MAGI2: variants seen among roughly 807,000 people sequenced by gnomAD.
The protein encoded by MAGI2 is membrane-associated guanylate kinase, WW and PDZ domain-containing protein 2.
A neutral mutation model predicts 133.3 loss-of-function variants in MAGI2; 35 were observed. The observed-to-expected ratio is 0.26, with a 90% CI of 0.20 to 0.35. The LOEUF (loss-of-function observed/expected upper bound fraction) is 0.35. Among genes scored for constraint, MAGI2 ranks in the 10% least tolerant of loss-of-function variants. The probability of loss-of-function intolerance (pLI) is 1.00; values close to 1 mark genes in which losing one functional copy is unlikely to be tolerated. For missense variants in MAGI2, 1,636 were observed against 1,863.4 expected (o/e 0.88, Z 2.25); for synonymous variants, 729 against 710.6 (o/e 1.03, Z -0.41).
At chr7:78,575,222 C>T (rs1443993908) in intron 3 of MAGI2, among the ~76,000 whole-genome samples, 1 of 152,056 alleles carries the variant, frequency 6.6e-6, no homozygotes, top group East Asian at 1.9e-4. Context: ...AAAGGAGCTA[C>T]TAGCTACAGA....
chr7:79,227,328 C>A (rs768494859), intron 1 of MAGI2, among the ~76,000 whole-genome samples: 2 of 152,120 alleles, frequency 1.3e-5, no homozygotes, highest in Non-Finnish European at 2.9e-5. Context: ...TCTCTCCATG[C>A]GGAGTGTTGT....
At chr7:79,102,304 T>C (rs1420056628) in intron 1 of MAGI2, among the ~76,000 whole-genome samples, 3 of 152,158 alleles carry the variant, frequency 2.0e-5, no homozygotes, top group African/African-American at 4.8e-5. Flanking sequence ...ACAATTAATA[T>C]ACCTAAGCTA....
intron 1 of MAGI2, among the ~76,000 whole-genome samples, chr7:79,228,562 C>T (rs1187130789): frequency 1.8e-4 from 28 of 151,916 alleles, no homozygotes. Context: ...GTTCTCCTAG[C>T]CCAGTTTTAT....
rs150379243 is a variant in MAGI2 at position 79,022,292 on chromosome 7, A to C, written c.302-15086T>G. Among the ~76,000 whole-genome samples, 370 of 152,316 alleles carry C rather than the reference A, an allele frequency of 2.4e-3. 3 individuals are homozygous for C. The highest frequency in any genetic ancestry group is 8.6e-3 in the African/African-American group (356 of 41,574). On this transcript the variant is annotated intron_variant, in intron 1 of 21. Transcript: ENST00000354212. ...CTGAATGACTTCTGGGTAAACAATA[A>C]AATTAAATCAGAAATCAAGAAATTA...
At chr7:78,072,454 T>C (rs1413282852) in intron 21 of MAGI2, 1 of 152,704 alleles carries the variant, frequency 6.5e-6, no homozygotes, top group Admixed American at 6.5e-5. Context: ...CTTCAGTGCC[T>C]GCAAAGCATC....
At chr7:79,399,090 C>CTTTTTTTTTTTTTTTTTT (rs1337058211) in intron 1 of MAGI2, among the ~76,000 whole-genome samples, 2 of 101,442 alleles carry the variant, frequency 2.0e-5, no homozygotes, top group African/African-American at 1.0e-4. Context: ...TTTTTTTTTT[C>CTTTTTTTTTTTTTTTTTT]TTTTCTTTTT....
At chr7:78,670,094 A>T (rs1383603064) in intron 2 of MAGI2, among the ~76,000 whole-genome samples, 2 of 151,642 alleles carry the variant, frequency 1.3e-5, no homozygotes, top group Non-Finnish European at 2.9e-5. Context: ...GGAGAAGGAA[A>T]TAAAAGGTAT....
rs116964571 is a variant in MAGI2, at chr7:78,886,557, C to T, written c.418+120533G>A. On this transcript the variant is annotated intron_variant, in intron 2 of 21. Coordinates refer to ENST00000354212, the MANE Select transcript of MAGI2 (RefSeq NM_012301.4). ...GGGAAACTTCTCTGGTCTATGTTTC[C>T]TTCTTTCTTTACCTATCTAAATAAG... 8.6e-4 allele frequency among the ~76,000 whole-genome samples: 131 copies of T among 152,252 alleles called. 5 individuals are homozygous for T. The East Asian group carries it at 0.023, about 27-fold the overall frequency.
chr7:79,254,776 C>T (rs1459794482), intron 1 of MAGI2, among the ~76,000 whole-genome samples: 12 of 152,128 alleles, frequency 7.9e-5, no homozygotes, highest in Admixed American at 7.9e-4. Context: ...TAGAACTGAA[C>T]TCGCTCAATC....
rs546137329 is a variant in MAGI2, at chr7:78,257,925, G to A, written c.1409-1344C>T. Among the ~76,000 whole-genome samples the A allele has an allele frequency of 4.6e-5, 7 of 152,174 alleles. 1 individual carries two copies. Among genetic ancestry groups the A allele is most frequent in the South Asian group, 4.1e-4 (2 of 4,824 alleles). On this transcript the variant is annotated intron_variant, in intron 9 of 21. Transcript: ENST00000354212. ...ATCCTTGCCCAGCAAGCTTGCAAAC[G>A]TTAAAAATGAAAAACAGAGTTGAAC...
At chr7:78,162,631 C>T (rs983003983) in intron 15 of MAGI2, among the ~76,000 whole-genome samples, 6 of 151,784 alleles carry the variant, frequency 4.0e-5, no homozygotes, top group Non-Finnish European at 5.9e-5. Flanking sequence ...AAATCATCAA[C>T]TAAGTCAATG....
At chr7:79,447,061 C>T (rs1848905866) in intron 1 of MAGI2, among the ~76,000 whole-genome samples, 1 of 152,076 alleles carries the variant, frequency 6.6e-6, no homozygotes. Flanking sequence ...TCTTCCAGAC[C>T]ACTCAAAACA....
intron 18 of MAGI2, among the ~76,000 whole-genome samples, chr7:78,131,669 T>C: frequency 6.6e-6 from 1 of 152,240 alleles, no homozygotes; most frequent in East Asian, 1.9e-4. Context: ...TCTTTCTCTT[T>C]AATGGCTGAA....
chr7:78,320,258 T>C (rs190991073), intron 9 of MAGI2, among the ~76,000 whole-genome samples: 1 of 152,072 alleles, frequency 6.6e-6, no homozygotes, highest in South Asian at 2.1e-4. Flanking sequence ...GGAATCCTTC[T>C]TTACTCATTT....
At chr7:78,656,454 C>A (rs1299758358) in intron 2 of MAGI2, among the ~76,000 whole-genome samples, 1 of 152,078 alleles carries the variant, frequency 6.6e-6, no homozygotes, top group African/African-American at 2.4e-5. Context: ...AAAATTACTA[C>A]ATGATATCTA....
chr7:78,134,522 A>G (rs1821897976), intron 17 of MAGI2: 1 of 156,272 alleles, frequency 6.4e-6, no homozygotes, highest in East Asian at 1.9e-4. Context: ...AGACAAATTC[A>G]AAAGGCTCAG....
chr7:78,748,469 T>G (rs1262392971), intron 2 of MAGI2, among the ~76,000 whole-genome samples: 3 of 152,214 alleles, frequency 2.0e-5, no homozygotes, highest in African/African-American at 7.2e-5. Context: ...CTGTTTAATA[T>G]AAGGTGATTC....
intron 2 of MAGI2, among the ~76,000 whole-genome samples, chr7:78,681,913 CCAA>C (rs1815710344): frequency 6.6e-6 from 1 of 152,078 alleles, no homozygotes; most frequent in Non-Finnish European, 1.5e-5. Flanking sequence ...CCTAATTACA[CCAA>C]CATCTTACTG....
At chr7:79,253,981 TCAAAACAAAACAAAACAAAA>T (rs71951560) in intron 1 of MAGI2, among the ~76,000 whole-genome samples, 3 of 151,042 alleles carry the variant, frequency 2.0e-5, no homozygotes, top group Admixed American at 6.6e-5. Context: ...AAATTGCCCT[TCAAAACAAAACAAAACAAAA>T]CAAAACAAAA....
Sources: gnomAD v4.1 joint callset for allele counts (sites outside exome capture counted in the v4.1 genomes callset) on GRCh38, gnomAD v4.1.1 for gene constraint, MANE v1.5 for transcripts, NCBI Gene and HGNC (gene_info 2026-07-23, HGNC 2026-07-21) for gene names.